The following KCNJ6 variants were observed in gnomAD, a reference collection of about 807,000 sequenced individuals.
KCNJ6 encodes G protein-activated inward rectifier potassium channel 2.
Under a neutral mutation model 34.2 loss-of-function variants are expected in KCNJ6, and 9 were observed. That is an observed-to-expected ratio of 0.26 (90% CI 0.16 to 0.46). The LOEUF (loss-of-function observed/expected upper bound fraction) is 0.46. KCNJ6 is among the 20% of genes least tolerant of loss of function. The pLI is 1.00. For synonymous variants in KCNJ6, 196 were observed against 207.1 expected (o/e 0.95, Z 0.46); for missense variants, 236 against 531.3 (o/e 0.44, Z 5.46).
intron 2 of KCNJ6, among the ~76,000 whole-genome samples, chr21:37,795,982 G>A (rs920205111): frequency 6.6e-6 from 1 of 152,064 alleles, no homozygotes; most frequent in African/African-American, 2.4e-5. Context: ...TTATAATAGA[G>A]TCTCATCCTG....
intron 2 of KCNJ6, among the ~76,000 whole-genome samples, chr21:37,830,106 G>A (rs973084315): frequency 3.3e-5 from 5 of 152,102 alleles, no homozygotes; most frequent in African/African-American, 4.8e-5. Context: ...ACACCATCAC[G>A]ATGGAAAAAT....
At position 37,752,482 on chromosome 21, in the gene KCNJ6, G is replaced by A. The variant is rs572823134; in HGVS notation, c.26-37351C>T. ...AGAGAAGCCAACAGCAGCAAAAGCC[G>A]AGAGGAATACAGAGGGAAGGCATTA... On this transcript the variant is annotated intron_variant, in intron 2 of 3. Coordinates refer to ENST00000609713, the MANE Select transcript of KCNJ6 (RefSeq NM_002240.5). 2.6e-5 allele frequency among the ~76,000 whole-genome samples: 4 copies of A among 152,272 alleles called. No individual in the cohort carries two copies. In the East Asian group the frequency reaches 5.8e-4, roughly 22 times the overall value.
At chr21:37,885,602 G>A (rs564330636) in intron 1 of KCNJ6, among the ~76,000 whole-genome samples, 4 of 152,360 alleles carry the variant, frequency 2.6e-5, no homozygotes, top group East Asian at 3.9e-4. Context: ...GAGGGGACAC[G>A]TGGTGAGGCA....
intron 3 of KCNJ6, among the ~76,000 whole-genome samples, chr21:37,684,667 A>G (rs1445593297): frequency 6.6e-6 from 1 of 152,250 alleles, no homozygotes; most frequent in Non-Finnish European, 1.5e-5. Context: ...ATCAGGAAGT[A>G]CAAAGCTGAA....
At chr21:37,642,580 G>A (rs2054385854) in intron 3 of KCNJ6, among the ~76,000 whole-genome samples, 1 of 152,144 alleles carries the variant, frequency 6.6e-6, no homozygotes, top group Admixed American at 6.5e-5. Flanking sequence ...ATATAGAAAA[G>A]TTTCTCAAGC....
intron 3 of KCNJ6, among the ~76,000 whole-genome samples, chr21:37,682,165 C>A (rs1178842756): frequency 6.6e-6 from 1 of 152,118 alleles, no homozygotes; most frequent in Non-Finnish European, 1.5e-5. Flanking sequence ...AACTTGGAGG[C>A]TTAGAACAAT....
intron 3 of KCNJ6, among the ~76,000 whole-genome samples, chr21:37,687,186 C>T (rs1483388134): frequency 6.6e-6 from 1 of 152,020 alleles, no homozygotes; most frequent in Non-Finnish European, 1.5e-5. Flanking sequence ...CCTCTTGGGC[C>T]TGGAAAATTG....
At chr21:37,751,638 G>A (rs1290131252) in intron 2 of KCNJ6, among the ~76,000 whole-genome samples, 1 of 152,216 alleles carries the variant, frequency 6.6e-6, no homozygotes, top group Non-Finnish European at 1.5e-5. Context: ...CTCTAAATGT[G>A]ATGTTTATGG....
intron 1 of KCNJ6, among the ~76,000 whole-genome samples, chr21:37,847,711 A>G (rs2055516486): frequency 1.3e-5 from 2 of 151,136 alleles, no homozygotes; most frequent in Non-Finnish European, 3.0e-5. Context: ...CATCGATAGA[A>G]AGAGGAACAG....
At chr21:37,644,625 G>C (rs1043706409) in intron 3 of KCNJ6, among the ~76,000 whole-genome samples, 2 of 152,146 alleles carry the variant, frequency 1.3e-5, no homozygotes, top group Non-Finnish European at 2.9e-5. Flanking sequence ...AGAGAAACTG[G>C]AGAAATTAAA....
At chr21:37,734,420 G>A (rs2054902395) in intron 2 of KCNJ6, among the ~76,000 whole-genome samples, 3 of 152,180 alleles carry the variant, frequency 2.0e-5, no homozygotes, top group African/African-American at 7.2e-5. Context: ...GAGCACCAGC[G>A]AGGAGTTCTT....
At chr21:37,906,459 T>C (rs1399067897) in intron 1 of KCNJ6, among the ~76,000 whole-genome samples, 1 of 152,152 alleles carries the variant, frequency 6.6e-6, no homozygotes, top group African/African-American at 2.4e-5. Context: ...AGCCAGTAGC[T>C]CCCACCCTTT....
intron 2 of KCNJ6, among the ~76,000 whole-genome samples, chr21:37,770,828 T>C (rs2055114398): frequency 6.6e-6 from 1 of 152,222 alleles, no homozygotes; most frequent in South Asian, 2.1e-4. Flanking sequence ...ATATATATGT[T>C]TTCCCCCTTC....
chr21:37,915,654 G>A (rs995576792), intron 1 of KCNJ6, among the ~76,000 whole-genome samples: 1 of 152,228 alleles, frequency 6.6e-6, no homozygotes, highest in Non-Finnish European at 1.5e-5. Context: ...CGCCCCCCGT[G>A]CGAGTTTCAG....
chr21:37,792,699 C>A (rs2055222498), intron 2 of KCNJ6, among the ~76,000 whole-genome samples: 1 of 152,160 alleles, frequency 6.6e-6, no homozygotes, highest in Non-Finnish European at 1.5e-5. Context: ...AAGTCACTTC[C>A]CCAATATCAC....
chr21:37,684,753 C>T (rs1238121236), intron 3 of KCNJ6, among the ~76,000 whole-genome samples: 1 of 152,206 alleles, frequency 6.6e-6, no homozygotes, highest in African/African-American at 2.4e-5. Context: ...TTCCAGCAAA[C>T]AATGCAAGCT....
At chr21:37,843,577 C>G (rs1420684903) in intron 1 of KCNJ6, among the ~76,000 whole-genome samples, 1 of 152,198 alleles carries the variant, frequency 6.6e-6, no homozygotes, top group Non-Finnish European at 1.5e-5. Context: ...GCAAATTCTC[C>G]TTATTTTAAA....
At chr21:37,736,053 G>T (rs994773101) in intron 2 of KCNJ6, among the ~76,000 whole-genome samples, 12 of 152,202 alleles carry the variant, frequency 7.9e-5, no homozygotes, top group Admixed American at 6.5e-4. Flanking sequence ...CTATAGTAAA[G>T]TGCAGCCTAG....
At chr21:37,730,021 G>A (rs2054876191) in intron 2 of KCNJ6, among the ~76,000 whole-genome samples, 1 of 152,238 alleles carries the variant, frequency 6.6e-6, no homozygotes, top group South Asian at 2.1e-4. Flanking sequence ...ATCCTAGGCT[G>A]TCCGTTCCTC....
Sources: allele counts gnomAD v4.1 joint callset (sites outside exome capture counted in the v4.1 genomes callset), GRCh38; gene constraint gnomAD v4.1.1; transcripts MANE v1.5; gene names NCBI Gene and HGNC (gene_info 2026-07-23, HGNC 2026-07-21).